The following DDX42 variants were observed in gnomAD, a reference collection of about 807,000 sequenced individuals.
DDX42 encodes the protein ATP-dependent RNA helicase DDX42.
In DDX42, 22 loss-of-function variants were observed where a neutral mutation model predicts 101.5. That is an observed-to-expected ratio of 0.22 (90% CI 0.15 to 0.31). DDX42 has a LOEUF of 0.31. Among genes scored for constraint, DDX42 ranks in the 10% least tolerant of loss-of-function variants. DDX42 has a pLI of 1.00. For missense variants in DDX42, 849 were observed against 1,199.9 expected (o/e 0.71, Z 4.32); for synonymous variants, 402 against 401.2 (o/e 1.00, Z -0.02).
intron 1 of DDX42, among the ~76,000 whole-genome samples, chr17:63,780,061 C>T (rs898109810): frequency 2.0e-5 from 3 of 152,160 alleles, no homozygotes; most frequent in Admixed American, 6.6e-5. Context: ...CTTTGGGAGG[C>T]CAAGGCAGGC....
At position 63,818,681 on chromosome 17, in the gene DDX42, T is replaced by C; in HGVS notation, c.*283T>C. 2.8e-6 allele frequency: 1 copy of C among 362,828 alleles called. No homozygotes were observed. The highest frequency in any genetic ancestry group is 4.9e-5 in the East Asian group (1 of 20,444). The allele number at this position is 362,828 out of a possible 1,614,324, so 22.5% of individuals were successfully genotyped here. On this transcript the variant is annotated 3_prime_UTR_variant, in exon 18 of 18. Coordinates refer to ENST00000389924, the MANE Select transcript of DDX42 (RefSeq NM_203499.3). ...GGTTATCTTGGGATAAAGGGTCTTC[T>C]AGGGCACAAAACTCACTCTAGGTTT...
chr17:63,808,278 A>G (rs2039866888), intron 9 of DDX42, among the ~76,000 whole-genome samples: 1 of 152,194 alleles, frequency 6.6e-6, no homozygotes, highest in Admixed American at 6.5e-5. Context: ...CCCAGTTTCA[A>G]GCAATTCTCC....
chr17:63,806,785 A>C, intron 8 of DDX42, 131 bp downstream of exon 8: 1 of 988,380 alleles, frequency 1.0e-6, no homozygotes, highest in South Asian at 2.8e-5. Context: ...GGTATTTATC[A>C]CTCTTAAGAA....
Position 63,812,130 on chromosome 17 carries a change from G to T in DDX42, c.1597G>T (p.Asp533Tyr). The change falls in exon 14 of 18, where the codon GAT (aspartate) becomes TAT (tyrosine). Residue 533 changes from aspartate (D) to tyrosine (Y), a missense_variant. Physicochemically the swap from Asp to Tyr is radical, Grantham distance 160 (BLOSUM62 -3). Transcript: ENST00000389924. ...TCTTGGGCTGCTCCATGGGGATATG[G>T]ATCAGAGTGAGAGAAACAAGGTCAT... The part of the protein sequence containing the change: ...HNLGLLHGDM[D>Y]QSERNKVISD... 1 of 1,614,254 alleles carries T rather than the reference G, an allele frequency of 6.2e-7. No individual in the cohort carries two copies. The highest frequency in any genetic ancestry group is 8.5e-7 in the Non-Finnish European group (1 of 1,180,048).
At chr17:63,810,400 T>A in intron 11 of DDX42, 113 bp from the exon 12 acceptor site, 1 of 1,138,266 alleles carries the variant, frequency 8.8e-7, no homozygotes, top group Admixed American at 2.4e-5. Flanking sequence ...CTGGGGTTTC[T>A]AATTTTCTTA....
At chr17:63,781,710 G>GT (rs766171126) in intron 1 of DDX42, among the ~76,000 whole-genome samples, 15 of 151,636 alleles carry the variant, frequency 9.9e-5, no homozygotes, top group Non-Finnish European at 2.2e-4. Context: ...AGTGATATAT[G>GT]TTAAGAATTG....
At chr17:63,812,253 G>A (rs2039919305) in intron 14 of DDX42, 45 bp downstream of exon 14, 2 of 1,582,830 alleles carry the variant, frequency 1.3e-6, no homozygotes, top group Middle Eastern at 1.7e-4. Flanking sequence ...TAGGCTATAA[G>A]GGTACTCTGT....
intron 1 of DDX42, among the ~76,000 whole-genome samples, chr17:63,782,896 T>A (rs1184486704): frequency 1.3e-5 from 2 of 152,174 alleles, no homozygotes; most frequent in Admixed American, 6.5e-5. Context: ...AAGCTGTTCA[T>A]CTTGGCCCTA....
intron 1 of DDX42, among the ~76,000 whole-genome samples, chr17:63,782,244 C>A (rs947608969): frequency 8.6e-5 from 13 of 152,034 alleles, no homozygotes; most frequent in African/African-American, 3.1e-4. Flanking sequence ...TGCCATTGCC[C>A]TCCAGCTCTG....
At chr17:63,806,511 C>T in intron 7 of DDX42, 24 bp from the exon 8 acceptor site, 1 of 1,602,186 alleles carries the variant, frequency 6.2e-7, no homozygotes, top group Non-Finnish European at 8.5e-7. Context: ...ACAAGTCATT[C>T]TGGGGAGTTG....
At chr17:63,778,531 G>A (rs2039448205) in intron 1 of DDX42, among the ~76,000 whole-genome samples, 3 of 152,154 alleles carry the variant, frequency 2.0e-5, no homozygotes, top group Non-Finnish European at 4.4e-5. Context: ...GGCTGCATCT[G>A]ATTCCATTAC....
Position 63,818,067 on chromosome 17 carries a change from G to A in DDX42, c.2486G>A (p.Ser829Asn), listed in dbSNP as rs1209695717. The A allele has an allele frequency of 6.2e-7, 1 of 1,614,060 alleles. No individual in the cohort carries two copies. Among genetic ancestry groups the A allele is most frequent in the East Asian group, 2.2e-5 (1 of 44,884 alleles). ...CACGGAGAGACTGGCAATCGGCATA[G>A]CGATAGTCCACGTCACGGAGATGGT... is the stretch of plus-strand genomic sequence containing the variant. ...HSHGETGNRHSDSPRHGDGGR... is the reference protein window; with the variant it reads ...HSHGETGNRHNDSPRHGDGGR... Residue 829 changes from serine to asparagine, a missense_variant, in exon 18 of 18, where the codon AGC becomes AAC. Physicochemically the swap from Ser to Asn is conservative, Grantham distance 46. Transcript: ENST00000389924.
rs755169979 is a variant in DDX42, at chr17:63,815,691, C to T, written c.2013+18C>T. On this transcript the variant is annotated intron_variant, in intron 16 of 17. Transcript: ENST00000389924. ...AGAACATGGTGAGTCTAGACTACTA[C>T]AGTAGTGCCTTTATAGTTGGTCTCA... 9.2e-6 allele frequency: 14 copies of T among 1,515,980 alleles called. No individual in the cohort carries two copies. Among genetic ancestry groups the T allele is most frequent in the South Asian group, 3.5e-5 (3 of 86,930 alleles). The allele number at this position is 1,515,980 out of a possible 1,614,324, so 93.9% of individuals were successfully genotyped here. A position where few individuals can be genotyped will look rare whatever the true frequency, so the allele number is the denominator to read the frequency against.
intron 9 of DDX42, 134 bp downstream of exon 9, chr17:63,808,034 C>A: frequency 1.2e-6 from 1 of 820,294 alleles, no homozygotes; most frequent in Non-Finnish European, 1.8e-6. Flanking sequence ...TTATCTTAAC[C>A]ATTTTTAATG....
chr17:63,794,935 T>TAAAAAAAA (rs11352891), intron 3 of DDX42, among the ~76,000 whole-genome samples: 1 of 133,390 alleles, frequency 7.5e-6, no homozygotes. Context: ...GACTCCATCT[T>TAAAAAAAA]AAAAAAAAAA....
intron 5 of DDX42, 71 bp from the exon 6 acceptor site, chr17:63,800,397 G>A: frequency 6.8e-7 from 1 of 1,467,618 alleles, no homozygotes; most frequent in Non-Finnish European, 9.4e-7. Context: ...TACACTATGT[G>A]CGCTAATTAC....
At chr17:63,794,893 G>A (rs1275485168) in intron 3 of DDX42, among the ~76,000 whole-genome samples, 2 of 149,624 alleles carry the variant, frequency 1.3e-5, no homozygotes, top group Non-Finnish European at 3.0e-5. Context: ...CCGAGATGGC[G>A]CCATTGCACT....
intron 15 of DDX42, among the ~76,000 whole-genome samples, chr17:63,813,802 G>T (rs2039941324): frequency 6.6e-6 from 1 of 151,796 alleles, no homozygotes; most frequent in African/African-American, 2.4e-5. Context: ...CTAAAAATGT[G>T]TGATGCCTTT....
chr17:63,788,014 C>T (rs887133954), intron 2 of DDX42, among the ~76,000 whole-genome samples: 3 of 149,026 alleles, frequency 2.0e-5, no homozygotes, highest in Non-Finnish European at 4.4e-5. Context: ...AAGTGATTCT[C>T]CAGCCTCACC....
Sources: gnomAD v4.1 joint callset for allele counts (sites outside exome capture counted in the v4.1 genomes callset) on GRCh38, gnomAD v4.1.1 for gene constraint, MANE v1.5 for transcripts, NCBI Gene and HGNC (gene_info 2026-07-23, HGNC 2026-07-21) for gene names.